The following MMP20 variants were observed in gnomAD, a reference collection of about 807,000 sequenced individuals.
MMP20 encodes the protein matrix metalloproteinase-20.
In MMP20, 50 loss-of-function variants were observed where a neutral mutation model predicts 51.8. The observed-to-expected ratio is 0.97, with a 90% CI of 0.77 to 1.22. The LOEUF is 1.22. Ranked by LOEUF, MMP20 falls within the 50% of genes most tolerant of loss-of-function variation. MMP20 has a pLI of 0.00. For missense variants in MMP20, 663 were observed against 601.4 expected (o/e 1.10, Z -1.07); for synonymous variants, 244 against 216.2 (o/e 1.13, Z -1.13).
At chr11:102,610,381 G>T (rs1391906890) in intron 3 of MMP20, among the ~76,000 whole-genome samples, 1 of 152,040 alleles carries the variant, frequency 6.6e-6, no homozygotes, top group Non-Finnish European at 1.5e-5. Flanking sequence ...GCGGCGGGGG[G>T]GCGGCATTCG....
Position 102,611,840 on chromosome 11 carries a change from C to A in MMP20, c.438G>T (p.Leu146Phe). Residue 146 changes from leucine to phenylalanine, a missense_variant, in exon 3 of 10, where the codon TTG becomes TTT. Coordinates refer to ENST00000260228, the MANE Select transcript of MMP20 (RefSeq NM_004771.4). ...VEVDKAVEMA[L>F]QAWSSAVPLS... ...GAGGGACGGCGCTACTCCAGGCCTGCAAGGCCATCTCCACTGCTTTGTCCA... is the reference window on the plus strand; with the variant it reads ...GAGGGACGGCGCTACTCCAGGCCTGAAAGGCCATCTCCACTGCTTTGTCCA... 6.2e-7 allele frequency: 1 copy of A among 1,614,186 alleles called. No homozygotes were observed. The highest frequency in any genetic ancestry group is 8.5e-7 in the Non-Finnish European group (1 of 1,179,982).
intron 5 of MMP20, chr11:102,607,148 AT>A (rs1221869411): frequency 1.1e-5 from 2 of 182,250 alleles, no homozygotes; most frequent in African/African-American, 4.8e-5. Flanking sequence ...GTGTTTTCCT[AT>A]TATTTTCATA....
chr11:102,623,014 G>T (rs1859770023), intron 1 of MMP20, among the ~76,000 whole-genome samples: 1 of 152,214 alleles, frequency 6.6e-6, no homozygotes, highest in African/African-American at 2.4e-5. Context: ...GCCATTGCAA[G>T]CAAAGGTGCT....
At chr11:102,599,390 A>G (rs1242559919) in intron 6 of MMP20, among the ~76,000 whole-genome samples, 1 of 152,204 alleles carries the variant, frequency 6.6e-6, no homozygotes, top group African/African-American at 2.4e-5. Context: ...CAGTGAACAG[A>G]ACAAGAAATG....
At chr11:102,578,856 C>T (rs372381957) in intron 9 of MMP20, among the ~76,000 whole-genome samples, 183 bp downstream of exon 9, 1 of 152,066 alleles carries the variant, frequency 6.6e-6, no homozygotes, top group East Asian at 1.9e-4. Context: ...AACTAAAATA[C>T]CAGAACTTTT....
At chr11:102,621,933 A>C (rs1859755866) in intron 1 of MMP20, among the ~76,000 whole-genome samples, 1 of 152,230 alleles carries the variant, frequency 6.6e-6, no homozygotes, top group African/African-American at 2.4e-5. Context: ...GTTCATAATA[A>C]TGTGGTAGTT....
chr11:102,600,347 G>A (rs1859430875), intron 6 of MMP20, among the ~76,000 whole-genome samples: 1 of 152,110 alleles, frequency 6.6e-6, no homozygotes, highest in Non-Finnish European at 1.5e-5. Context: ...CTTCAAACAT[G>A]AACAGTTCCC....
chr11:102,602,106 C>G (rs1183386087), intron 6 of MMP20, among the ~76,000 whole-genome samples: 1 of 138,660 alleles, frequency 7.2e-6, no homozygotes, highest in Non-Finnish European at 1.6e-5. Flanking sequence ...CCCACCACCA[C>G]GCCCGGCTAA....
At chr11:102,606,926 C>T (rs1464354484) in intron 5 of MMP20, 1 of 494,618 alleles carries the variant, frequency 2.0e-6, no homozygotes, top group African/African-American at 1.9e-5. Flanking sequence ...TAATAGTACT[C>T]ACCTCAGAAG....
rs1208063863 is a variant in MMP20, at chr11:102,609,022, T to A, written c.726A>T (p.Ala242=). The A allele has an allele frequency of 6.2e-7, 1 of 1,613,830 alleles. No individual in the cohort carries two copies. The change falls in exon 5 of 10, where the codon GCA becomes GCT. Residue 242 remains alanine (A), a synonymous_variant. Coordinates refer to ENST00000260228, the MANE Select transcript of MMP20 (RefSeq NM_004771.4). ...TGTACTTATAAGTTGGGTACATCAG[T>A]GCTGATGGGTCTGTGGAATGGGCCA... ...LGLAHSTDPS[A]LMYPTYKYKN...
At chr11:102,595,606 T>A (rs533610740) in intron 6 of MMP20, among the ~76,000 whole-genome samples, 2 of 152,222 alleles carry the variant, frequency 1.3e-5, no homozygotes, top group African/African-American at 4.8e-5. Flanking sequence ...TCATAAGTTA[T>A]GGTGTTGCCT....
At chr11:102,579,168 A>C (rs1460089957) in intron 8 of MMP20, 26 bp from the exon 9 acceptor site, 1 of 1,521,310 alleles carries the variant, frequency 6.6e-7, no homozygotes, top group Non-Finnish European at 9.1e-7. Flanking sequence ...TTTCATAAAT[A>C]ATATTACTAA....
chr11:102,601,974 G>T (rs570606260), intron 6 of MMP20, among the ~76,000 whole-genome samples: 1 of 143,168 alleles, frequency 7.0e-6, no homozygotes, highest in African/African-American at 2.6e-5. Context: ...TTTTGAGACG[G>T]AGTCTTGCTC....
At chr11:102,611,696 G>C (rs1859601820) in intron 3 of MMP20, 59 bp downstream of exon 3, 1 of 1,586,746 alleles carries the variant, frequency 6.3e-7, no homozygotes, top group Non-Finnish European at 8.6e-7. Flanking sequence ...GATGTAGAAG[G>C]AACAGTATTG....
At chr11:102,584,696 C>T (rs1859234797) in intron 8 of MMP20, among the ~76,000 whole-genome samples, 1 of 152,028 alleles carries the variant, frequency 6.6e-6, no homozygotes, top group Admixed American at 6.6e-5. Flanking sequence ...GTATTCATTG[C>T]TAAATCCAAG....
At position 102,625,217 on chromosome 11, in the gene MMP20, T is replaced by G. The variant is rs61751462; in HGVS notation, c.103A>C (p.Arg35=). ...ACCTGTGCGAGGCGGTAGTTGTTCC[T>G]CCAGGTCCTGGGGGAGGCTGCAACT... ...SLVAASPRTW[R]NNYRLAQAYL... is the part of the protein sequence containing the mutation. The change falls in exon 1 of 10, where the codon AGG becomes CGG. Residue 35 remains arginine, a synonymous_variant. Transcript: ENST00000260228. 200 of 1,613,854 alleles carry G rather than the reference T, an allele frequency of 1.2e-4. No homozygotes were observed. The highest frequency in any genetic ancestry group is 5.0e-4 in the Middle Eastern group (3 of 6,028).
At position 102,611,886 on chromosome 11, in the gene MMP20, G is replaced by A; in HGVS notation, c.392C>T (p.Pro131Leu). 1 of 1,614,106 alleles carries A rather than the reference G, an allele frequency of 6.2e-7. No homozygotes were observed. Among genetic ancestry groups the A allele is most frequent in the Middle Eastern group, 1.6e-4 (1 of 6,062 alleles). ...GTCCACCTCGACAGAACTCATGGAAGGTGTGTATTTAGATATTCTGTGAAA... is the reference window on the plus strand; with the variant it reads ...GTCCACCTCGACAGAACTCATGGAAAGTGTGTATTTAGATATTCTGTGAAA... The part of the protein sequence containing the change: ...TLTYRISKYT[P>L]SMSSVEVDKA... Residue 131 changes from proline (P) to leucine (L), a missense_variant, in exon 3 of 10, where the codon CCT (proline) becomes CTT (leucine). Pro to Leu is a moderately conservative substitution (Grantham distance 98, BLOSUM62 -3). Transcript: ENST00000260228.
At chr11:102,617,119 G>C (rs574232384) in intron 1 of MMP20, 60 bp from the exon 2 acceptor site, 1 of 1,599,872 alleles carries the variant, frequency 6.3e-7, no homozygotes, top group East Asian at 2.2e-5. Context: ...CTCATGCTCA[G>C]GTAAGGCAGG....
chr11:102,586,170 G>C lies in MMP20; in HGVS notation c.1248-7028C>G, dbSNP rs1033017312. Among the ~76,000 whole-genome samples the C allele has an allele frequency of 5.3e-5, 8 of 152,108 alleles. 1 individual carries two copies. Among genetic ancestry groups the C allele is most frequent in the African/African-American group, 1.9e-4 (8 of 41,410 alleles). On this transcript the variant is annotated intron_variant, in intron 8 of 9. Coordinates refer to ENST00000260228, the MANE Select transcript of MMP20 (RefSeq NM_004771.4). The stretch of plus-strand genomic sequence containing the variant: ...TTTTGGAAAAGTCTGTGAAAAACTG[G>C]TATTAATTCTGTTCTTTTCTAAGGT...
Sources: gnomAD v4.1 joint callset for allele counts (sites outside exome capture counted in the v4.1 genomes callset) on GRCh38, gnomAD v4.1.1 for gene constraint, MANE v1.5 for transcripts, NCBI Gene and HGNC (gene_info 2026-07-23, HGNC 2026-07-21) for gene names.